AGO3: variants seen among roughly 807,000 people sequenced by gnomAD.
The protein encoded by AGO3 is argonaute RISC catalytic component 3, also known as protein argonaute-3.
In AGO3, 16 loss-of-function variants were observed where a neutral mutation model predicts 105.5. That is an observed-to-expected ratio of 0.15 (90% CI 0.10 to 0.23). The LOEUF (loss-of-function observed/expected upper bound fraction) is 0.23, where lower values mean the gene tolerates loss of function less well. Ranked by LOEUF, AGO3 falls within the 10% of genes least tolerant of loss-of-function variation. AGO3 has a pLI of 1.00. For synonymous variants in AGO3, 340 were observed against 367.3 expected (o/e 0.93, Z 0.85); for missense variants, 534 against 1,088.0 (o/e 0.49, Z 7.16).
In AGO3 at chr1:36,063,512, C is replaced by T. The variant is rs1188291303; in HGVS notation, c.*7767C>T. On this transcript the variant is annotated 3_prime_UTR_variant, in exon 19 of 19. Transcript: ENST00000373191. The stretch of plus-strand genomic sequence containing the variant: ...TGACTTTGAAATGAAACTTTTCCCC[C>T]ATAATTTGTTATATGGAAGATTTGC... The T allele has an allele frequency of 6.6e-6, 1 of 152,088 alleles. No individual in the cohort carries two copies. The highest frequency in any genetic ancestry group is 2.4e-5 in the African/African-American group (1 of 41,402). The allele number at this position is 152,088 out of a possible 1,614,324, so 9.4% of individuals were successfully genotyped here.
At chr1:36,005,239 T>G (rs1055437907) in intron 6 of AGO3, among the ~76,000 whole-genome samples, 2 of 152,214 alleles carry the variant, frequency 1.3e-5, no homozygotes, top group Non-Finnish European at 2.9e-5. Flanking sequence ...TTTTACCTAT[T>G]TATTGCAGAT....
intron 5 of AGO3, among the ~76,000 whole-genome samples, chr1:36,003,815 T>G (rs2148809366): frequency 6.7e-6 from 1 of 149,028 alleles, no homozygotes; most frequent in Non-Finnish European, 1.5e-5. Flanking sequence ...CAGGGAAAAC[T>G]CTCTTTAGAA....
At chr1:36,004,255 A>G in intron 5 of AGO3, 86 bp from the exon 6 acceptor site, 1 of 1,380,536 alleles carries the variant, frequency 7.2e-7, no homozygotes, top group Non-Finnish European at 9.8e-7. Context: ...TTTTAACCCT[A>G]TAGATAGTTA....
chr1:36,028,850 A>G (rs1473303099), intron 12 of AGO3, among the ~76,000 whole-genome samples: 3 of 151,832 alleles, frequency 2.0e-5, no homozygotes, highest in African/African-American at 7.3e-5. Context: ...GAACTAGTCT[A>G]TTTATTTTTT....
intron 16 of AGO3, among the ~76,000 whole-genome samples, chr1:36,041,906 G>A (rs78103903): frequency 0.015 from 2,311 of 152,168 alleles, 49 homozygotes; most frequent in African/African-American, 0.053. Flanking sequence ...AGATTGGCTA[G>A]CTCTCATTAG....
rs3738358 is a variant in AGO3, at chr1:36,038,324, T to C, written c.1843-1466T>C. On this transcript the variant is annotated intron_variant, in intron 14 of 18. Transcript: ENST00000373191. ...CGCTGGAATGCAGTGGGCGCGATCTTGGCTCACTGCAAGCTCCGCCTCCCG... is the reference window on the plus strand; with the variant it reads ...CGCTGGAATGCAGTGGGCGCGATCTCGGCTCACTGCAAGCTCCGCCTCCCG... Among the ~76,000 whole-genome samples, 29 of 150,990 alleles carry C rather than the reference T, an allele frequency of 1.9e-4. No homozygotes were observed. In the East Asian group the frequency reaches 4.3e-3, roughly 22 times the overall value.
intron 14 of AGO3, 72 bp downstream of exon 14, chr1:36,036,339 A>C: frequency 2.2e-6 from 3 of 1,365,850 alleles, no homozygotes; most frequent in Non-Finnish European, 2.1e-6. Context: ...CAACTTTTTG[A>C]ATTTTAATAT....
At position 35,980,029 on chromosome 1, in the gene AGO3, G is replaced by C. The variant is rs371011022; in HGVS notation, c.658+6518G>C. On this transcript the variant is annotated intron_variant, in intron 5 of 18. Coordinates refer to ENST00000373191, the MANE Select transcript of AGO3 (RefSeq NM_024852.4). ...TATATTTTGAAACTTTGAGTGTTGT[G>C]TTTTCTGTGCTTTTTAAATGGTAGT... Among the ~76,000 whole-genome samples, 17 of 152,080 alleles carry C rather than the reference G, an allele frequency of 1.1e-4. No individual in the cohort carries two copies. The East Asian group carries it at 1.5e-3, about 14-fold the overall frequency.
At chr1:36,047,774 G>A (rs1426179157) in intron 17 of AGO3, among the ~76,000 whole-genome samples, 3 of 152,002 alleles carry the variant, frequency 2.0e-5, no homozygotes, top group Admixed American at 1.3e-4. Flanking sequence ...CCAGCTACTC[G>A]GGACTGAGGC....
chr1:35,957,710 A>C lies in AGO3; in HGVS notation c.192-9245A>C, dbSNP rs1426682753. On this transcript the variant is annotated intron_variant, in intron 2 of 18. Coordinates refer to ENST00000373191, the MANE Select transcript of AGO3 (RefSeq NM_024852.4). ...CACTGCACTCCAGCCTGGGCAACAG[A>C]GTGTGATTCCATCTCAAAAAAACAA... is the stretch of plus-strand genomic sequence containing the variant. 2.6e-5 allele frequency among the ~76,000 whole-genome samples: 4 copies of C among 152,322 alleles called. No individual in the cohort carries two copies. In the East Asian group the frequency reaches 7.7e-4, roughly 29 times the overall value.
Position 36,034,331 on chromosome 1 carries a change from A to G in AGO3, c.1749A>G (p.Gln583=). ...GGINNILVPH[Q]RPSVFQQPVI... ...TCAATAATATTCTTGTACCTCATCA[A>G]AGGTAAGATATGCTAATCGCTTATG... Residue 583 remains glutamine (Q), a splice_region_variant and synonymous_variant, in exon 13 of 19, where the codon CAA becomes CAG. Transcript: ENST00000373191. The G allele has an allele frequency of 6.3e-7, 1 of 1,586,972 alleles. No individual in the cohort carries two copies.
At chr1:35,990,859 A>C (rs1433573674) in intron 5 of AGO3, among the ~76,000 whole-genome samples, 1 of 152,210 alleles carries the variant, frequency 6.6e-6, no homozygotes, top group African/African-American at 2.4e-5. Context: ...TTTCAGAGGT[A>C]GATCAAAGCA....
At chr1:35,951,042 C>T (rs574874416) in intron 2 of AGO3, among the ~76,000 whole-genome samples, 4 of 151,956 alleles carry the variant, frequency 2.6e-5, no homozygotes, top group Admixed American at 6.5e-5. Flanking sequence ...CTGCAACCTC[C>T]GCCTCCTGGG....
intron 2 of AGO3, among the ~76,000 whole-genome samples, chr1:35,963,934 T>A (rs1482235874): frequency 6.6e-6 from 1 of 152,030 alleles, no homozygotes; most frequent in Non-Finnish European, 1.5e-5. Flanking sequence ...TGACAAGATG[T>A]GTTGAATTCA....
intron 14 of AGO3, among the ~76,000 whole-genome samples, chr1:36,039,492 CA>C (rs1048314282): frequency 0.086 from 4,763 of 55,616 alleles, 132 homozygotes; most frequent in African/African-American, 0.2. Context: ...GACTGCGTCT[CA>C]AAAAAAAAAA....
At position 36,027,310 on chromosome 1, in the gene AGO3, T is replaced by G. The variant is rs1488190093; in HGVS notation, c.1591+12T>G. 6.3e-7 allele frequency: 1 copy of G among 1,579,128 alleles called. No homozygotes were observed. Among genetic ancestry groups the G allele is most frequent in the African/African-American group, 1.4e-5 (1 of 73,826 alleles). ...GACACCAGTGTATGGTAAGGATATC[T>G]TAAGACTGCATTTTTCCTCAAGTAC... On this transcript the variant is annotated intron_variant, in intron 12 of 18. Coordinates refer to ENST00000373191, the MANE Select transcript of AGO3 (RefSeq NM_024852.4). The surrounding 1 kb of genome is among the most constrained non-coding windows in gnomAD (Gnocchi z 4.0).
chr1:36,033,684 T>A (rs1352240106), intron 12 of AGO3, among the ~76,000 whole-genome samples: 2 of 151,198 alleles, frequency 1.3e-5, no homozygotes, highest in Non-Finnish European at 2.9e-5. Flanking sequence ...ATATTTATGA[T>A]GGTTATAATG....
rs552443457 is a variant in AGO3, at chr1:36,001,590, A to C, written c.659-2751A>C. Among the ~76,000 whole-genome samples the C allele has an allele frequency of 2.0e-5, 3 of 152,324 alleles. No homozygotes were observed. In the South Asian group the frequency reaches 6.2e-4, roughly 32 times the overall value. The stretch of plus-strand genomic sequence containing the variant: ...GCACCCACACTGTAACATAGTGTGC[A>C]GCAATTAAAGGGTGTACTGACATGA... On this transcript the variant is annotated intron_variant, in intron 5 of 18. Coordinates refer to ENST00000373191, the MANE Select transcript of AGO3 (RefSeq NM_024852.4).
chr1:35,975,665 A>G (rs1344994405), intron 5 of AGO3, among the ~76,000 whole-genome samples: 1 of 151,938 alleles, frequency 6.6e-6, no homozygotes, highest in East Asian at 1.9e-4. Context: ...GACTAGTCCC[A>G]TTTTTCTCTT....
Sources: allele counts gnomAD v4.1 joint callset (sites outside exome capture counted in the v4.1 genomes callset), GRCh38; gene constraint gnomAD v4.1.1; non-coding constraint Gnocchi (gnomAD v3.1); transcripts MANE v1.5; gene names NCBI Gene and HGNC (gene_info 2026-07-23, HGNC 2026-07-21).